Variants in COL4A6 observed in about 807,000 individuals in gnomAD.
COL4A6 encodes the protein collagen type IV alpha 6 chain, also known as collagen alpha-6(IV) chain.
A neutral mutation model predicts 126.7 loss-of-function variants in COL4A6; 59 were observed. The observed-to-expected ratio is 0.47, with a 90% CI of 0.38 to 0.58. COL4A6 has a LOEUF of 0.58. Ranked by LOEUF, COL4A6 falls within the 20% of genes least tolerant of loss-of-function variation. The pLI, the probability that COL4A6 is intolerant of heterozygous loss-of-function variation, is 0.00. For missense variants in COL4A6, 1,285 were observed against 1,337.3 expected, an observed-to-expected ratio of 0.96 and a Z score of 0.61; for synonymous variants, 547 against 496.6, an observed-to-expected ratio of 1.10 and a Z score of -1.35.
chrX:108,300,724 C>CGTGTGT (rs58203884), intron 3 of COL4A6, among the ~76,000 whole-genome samples: 2,277 of 92,357 alleles, frequency 0.025, 79 homozygotes, highest in African/African-American at 0.086. Flanking sequence ...CAAACATTGG[C>CGTGTGT]GTGTGTGTGT....
intron 3 of COL4A6, among the ~76,000 whole-genome samples, chrX:108,279,105 T>A (rs2037715621): frequency 8.9e-6 from 1 of 111,829 alleles, no homozygotes; most frequent in African/African-American, 3.3e-5. Context: ...AATAACCAGC[T>A]AACATCATCA....
rs2039017165 is a variant in COL4A6, at chrX:108,321,137, C to A, written c.64-10309G>T. ...TGAGAATACGCTCAATCTATGTCAG[C>A]TGGTATTATTTACAATTACAGTCTC... On this transcript the variant is annotated intron_variant, in intron 2 of 44. Transcript: ENST00000334504. 2.7e-5 allele frequency among the ~76,000 whole-genome samples: 3 copies of A among 111,770 alleles called. No individual in the cohort carries two copies. In the South Asian group the frequency reaches 1.1e-3, roughly 42 times the overall value.
chrX:108,177,548 C>A (rs186334929), intron 27 of COL4A6, among the ~76,000 whole-genome samples: 1 of 111,805 alleles, frequency 8.9e-6, no homozygotes, highest in African/African-American at 3.3e-5. Context: ...GAAAGACCCC[C>A]TAGTGCCAAG....
At chrX:108,438,431 G>A (rs1049253588), upstream of COL4A6, 56 of 1,005,886 alleles carry the variant, frequency 5.6e-5, no homozygotes, top group African/African-American at 1.0e-3. Context: ...ATAGTTCCAT[G>A]CAGCAGGAGA....
intron 2 of COL4A6, among the ~76,000 whole-genome samples, chrX:108,317,645 C>T (rs5973824): frequency 0.27 from 29,638 of 109,342 alleles, 3,349 homozygotes; most frequent in East Asian, 0.61. Context: ...TTTCTACATA[C>T]GGCTAGCCAG....
chrX:108,211,936 A>G (rs1196449438), intron 6 of COL4A6, among the ~76,000 whole-genome samples, 196 bp from the exon 7 acceptor site: 1 of 111,483 alleles, frequency 9.0e-6, no homozygotes, highest in Non-Finnish European at 1.9e-5. Context: ...TGCCCTCCCA[A>G]TCCCCAAGCC....
intron 3 of COL4A6, among the ~76,000 whole-genome samples, chrX:108,225,793 T>C (rs1434075584): frequency 8.9e-6 from 1 of 112,886 alleles, no homozygotes; most frequent in Non-Finnish European, 1.9e-5. Flanking sequence ...CATAACTTAG[T>C]CCCTTTCTGC....
rs757728182 is a variant in COL4A6, at chrX:108,175,076, C to T, written c.2956+14G>A. ...CTCTTGAGCATTTCTCCTATCCATCCCCTGCCCCAGCACCTCTTGGCCCAG... is the reference window on the plus strand; with the variant it reads ...CTCTTGAGCATTTCTCCTATCCATCTCCTGCCCCAGCACCTCTTGGCCCAG... On this transcript the variant is annotated intron_variant, in intron 30 of 44. Coordinates refer to ENST00000334504, the MANE Select transcript of COL4A6 (RefSeq NM_033641.4). 2.6e-6 allele frequency: 3 copies of T among 1,171,212 alleles called. No homozygotes were observed. Among genetic ancestry groups the T allele is most frequent in the East Asian group, 6.3e-5 (2 of 31,978 alleles).
At chrX:108,438,120 G>A in intron 1 of COL4A6, 66 bp downstream of exon 1, 3 of 1,207,924 alleles carry the variant, frequency 2.5e-6, no homozygotes. Flanking sequence ...TACCAGTATA[G>A]TCCCGGCCTG....
chrX:108,205,391 T>C, intron 11 of COL4A6, 48 bp downstream of exon 11: 2 of 1,022,764 alleles, frequency 2.0e-6, no homozygotes, highest in Admixed American at 4.5e-5. Context: ...TCAGACACAT[T>C]TCTTGCAGCA....
At chrX:108,213,244 T>G (rs2035762681) in intron 6 of COL4A6, among the ~76,000 whole-genome samples, 1 of 112,370 alleles carries the variant, frequency 8.9e-6, no homozygotes, top group African/African-American at 3.2e-5. Context: ...TGGAGTGATT[T>G]CTAGTTAAAT....
At chrX:108,304,907 TC>T (rs767735246) in intron 3 of COL4A6, among the ~76,000 whole-genome samples, 2 of 112,202 alleles carry the variant, frequency 1.8e-5, no homozygotes, top group Non-Finnish European at 3.8e-5. Context: ...CTTCACAGCA[TC>T]CTAACAGCTA....
At chrX:108,289,702 C>A (rs978581588) in intron 3 of COL4A6, among the ~76,000 whole-genome samples, 2 of 110,439 alleles carry the variant, frequency 1.8e-5, no homozygotes, top group Non-Finnish European at 3.8e-5. Flanking sequence ...TCTGCAATAT[C>A]CCAGCCCATT....
In COL4A6 at chrX:108,391,621, G is replaced by A. The variant is rs775744915; in HGVS notation, c.63+46321C>T. On this transcript the variant is annotated intron_variant, in intron 2 of 44. Transcript: ENST00000334504. ...GATCTTAGCTTGTTGGGCTCTGTGG[G>A]GTTGGGACCCCCCGAGCCAGGCACC... Among the ~76,000 whole-genome samples, 14 of 112,339 alleles carry A rather than the reference G, an allele frequency of 1.2e-4. No homozygotes were observed. In the South Asian group the frequency reaches 5.3e-3, roughly 42 times the overall value.
At chrX:108,258,019 C>T (rs1300216245) in intron 3 of COL4A6, among the ~76,000 whole-genome samples, 1 of 111,486 alleles carries the variant, frequency 9.0e-6, no homozygotes, top group Non-Finnish European at 1.9e-5. Flanking sequence ...GTTGAAGGGG[C>T]TAATGTTGGC....
chrX:108,188,026 C>G lies in COL4A6; in HGVS notation c.1589G>C (p.Gly530Ala). ...TGAAGGACCCAGAGGCCCAACTAAG[C>G]CCTGACAAAGAAAAGAGAGAAGAGG... ...GGAQGPAGAP[G>A]LVGPLGPSGP... Residue 530 changes from glycine (G) to alanine (A), a missense_variant and splice_region_variant, in exon 22 of 45, where the codon GGC becomes GCC. Coordinates refer to ENST00000334504, the MANE Select transcript of COL4A6 (RefSeq NM_033641.4). 8.5e-7 allele frequency: 1 copy of G among 1,182,750 alleles called. No individual in the cohort carries two copies. Among genetic ancestry groups the G allele is most frequent in the Non-Finnish European group, 1.1e-6 (1 of 876,677 alleles).
chrX:108,411,766 G>A (rs1177677856), intron 2 of COL4A6, among the ~76,000 whole-genome samples: 1 of 111,670 alleles, frequency 9.0e-6, no homozygotes, highest in African/African-American at 3.3e-5. Context: ...TGTAAATCCC[G>A]GGTGCTTGTG....
intron 2 of COL4A6, among the ~76,000 whole-genome samples, chrX:108,347,671 A>T (rs767911591): frequency 9.0e-6 from 1 of 111,156 alleles, no homozygotes; most frequent in Non-Finnish European, 1.9e-5. Context: ...TTAATTTCCC[A>T]GAGTCAGTCA....
At chrX:108,271,629 T>C (rs2037453997) in intron 3 of COL4A6, among the ~76,000 whole-genome samples, 1 of 111,007 alleles carries the variant, frequency 9.0e-6, no homozygotes, top group African/African-American at 3.3e-5. Context: ...CCAGCTTACA[T>C]GTCACATGCC....
Sources: allele counts gnomAD v4.1 joint callset (sites outside exome capture counted in the v4.1 genomes callset), GRCh38; gene constraint gnomAD v4.1.1; transcripts MANE v1.5; gene names NCBI Gene and HGNC (gene_info 2026-07-23, HGNC 2026-07-21).